Variants in CDH12 observed in about 807,000 individuals in gnomAD.
The protein encoded by CDH12 is cadherin-12.
In CDH12, 41 loss-of-function variants were observed where a neutral mutation model predicts 74.1. That is an observed-to-expected ratio of 0.55 (90% CI 0.43 to 0.72). CDH12 has a LOEUF of 0.72. Ranked by LOEUF, CDH12 falls within the 30% of genes least tolerant of loss-of-function variation. CDH12 has a pLI of 0.00. For missense variants in CDH12, 945 were observed against 977.2 expected (o/e 0.97, Z 0.44); for synonymous variants, 399 against 355.0 (o/e 1.12, Z -1.39).
At chr5:22,017,677 G>A (rs1167978282) in intron 5 of CDH12, among the ~76,000 whole-genome samples, 2 of 152,018 alleles carry the variant, frequency 1.3e-5, no homozygotes, top group Non-Finnish European at 2.9e-5. Flanking sequence ...AAGGGAAAGG[G>A]TTAGAGAGAA....
At position 22,529,275 on chromosome 5, in the gene CDH12, G is replaced by A. The variant is rs1296123976; in HGVS notation, c.-522-23911C>T. The stretch of plus-strand genomic sequence containing the variant: ...AGAAGCTGGTTCAAATGATAATGGA[G>A]GCTGATGAGTCCCAAGATCTGCAAT... On this transcript the variant is annotated intron_variant, in intron 1 of 14. Transcript: ENST00000382254. 1.3e-4 allele frequency among the ~76,000 whole-genome samples: 19 copies of A among 151,104 alleles called. No individual in the cohort carries two copies. In the Admixed American group the frequency reaches 1.3e-3, roughly 10 times the overall value.
At chr5:21,872,894 C>CATCTATCTATCT (rs59704352) in intron 6 of CDH12, among the ~76,000 whole-genome samples, 17,155 of 146,744 alleles carry the variant, frequency 0.12, 1,207 homozygotes, top group Non-Finnish European at 0.14. Flanking sequence ...ACCTATCATC[C>CATCTATCTATCT]ATCTATCTAT....
chr5:22,015,874 ACTT>A (rs1454300960), intron 5 of CDH12, among the ~76,000 whole-genome samples: 1 of 152,214 alleles, frequency 6.6e-6, no homozygotes, highest in Non-Finnish European at 1.5e-5. Flanking sequence ...TTAAAAGGAC[ACTT>A]TATTTCCTAT....
intron 6 of CDH12, chr5:21,884,293 T>C: frequency 6.9e-7 from 1 of 1,450,682 alleles, no homozygotes; most frequent in Non-Finnish European, 9.7e-7. Flanking sequence ...GGAGGTGGTA[T>C]GGGAGGTGGC....
chr5:22,416,890 G>T (rs1743415248), intron 2 of CDH12, among the ~76,000 whole-genome samples: 1 of 152,110 alleles, frequency 6.6e-6, no homozygotes. Flanking sequence ...GAATTAGAAA[G>T]CTCTTCAGCT....
intron 3 of CDH12, among the ~76,000 whole-genome samples, chr5:22,368,755 T>C (rs1035755615): frequency 6.6e-6 from 1 of 152,204 alleles, no homozygotes; most frequent in Admixed American, 6.5e-5. Flanking sequence ...ATATTTCTAG[T>C]GACAATGCAC....
At chr5:22,136,001 T>A (rs1449593819) in intron 4 of CDH12, among the ~76,000 whole-genome samples, 1 of 152,016 alleles carries the variant, frequency 6.6e-6, no homozygotes, top group South Asian at 2.1e-4. Flanking sequence ...ATGGTCCAGT[T>A]CTTTTCTCAA....
chr5:22,714,944 C>T (rs77668888), intron 1 of CDH12, among the ~76,000 whole-genome samples: 46 of 152,228 alleles, frequency 3.0e-4, no homozygotes, highest in Non-Finnish European at 5.6e-4. Flanking sequence ...TCTCGCAGAA[C>T]GTCTTTCCCA....
chr5:22,243,309 T>C (rs1007293100), intron 3 of CDH12, among the ~76,000 whole-genome samples: 2 of 152,190 alleles, frequency 1.3e-5, no homozygotes, highest in African/African-American at 4.8e-5. Context: ...CAGAATATTA[T>C]GTAAATGGCG....
At chr5:22,350,280 G>A (rs1219068141) in intron 3 of CDH12, among the ~76,000 whole-genome samples, 2 of 152,012 alleles carry the variant, frequency 1.3e-5, no homozygotes, top group Non-Finnish European at 2.9e-5. Flanking sequence ...AATGATATAT[G>A]TTATTCTTAA....
At chr5:21,896,985 A>G (rs995176671) in intron 6 of CDH12, among the ~76,000 whole-genome samples, 7 of 152,224 alleles carry the variant, frequency 4.6e-5, no homozygotes, top group Non-Finnish European at 8.8e-5. Flanking sequence ...GGAAAATACA[A>G]GCCAACCAAA....
In CDH12 at chr5:22,052,487, C is replaced by G. The variant is rs116236658; in HGVS notation, c.231+25959G>C. On this transcript the variant is annotated intron_variant, in intron 5 of 14. Transcript: ENST00000382254. ...TTAAGCACTTGTGTAGAGGCACAGA[C>G]CTGAAATTTAATTTTGACATTTCTT... Among the ~76,000 whole-genome samples the G allele has an allele frequency of 5.4e-3, 816 of 152,174 alleles. 4 individuals carry two copies. Among genetic ancestry groups the G allele is most frequent in the African/African-American group, 0.019 (770 of 41,528 alleles).
At chr5:22,765,063 T>C (rs1252755527) in intron 1 of CDH12, among the ~76,000 whole-genome samples, 6 of 151,946 alleles carry the variant, frequency 3.9e-5, no homozygotes, top group Non-Finnish European at 7.4e-5. Context: ...AATATCCATG[T>C]CAATCAAAAC....
intron 4 of CDH12, chr5:22,143,516 C>G (rs1207490018): frequency 6.6e-6 from 1 of 151,732 alleles, no homozygotes; most frequent in African/African-American, 2.4e-5. Flanking sequence ...TTACAGGTGC[C>G]CACCACCATG....
intron 3 of CDH12, among the ~76,000 whole-genome samples, chr5:22,382,309 G>A (rs1741800126): frequency 6.8e-6 from 1 of 146,590 alleles, no homozygotes; most frequent in African/African-American, 2.5e-5. Flanking sequence ...ATTTCTATAT[G>A]TCTACATACA....
intron 2 of CDH12, among the ~76,000 whole-genome samples, chr5:22,434,465 T>C (rs924243719): frequency 1.3e-5 from 2 of 152,138 alleles, no homozygotes; most frequent in South Asian, 4.1e-4. Flanking sequence ...TATTTCCATT[T>C]GAGCGTGTCA....
chr5:22,517,038 T>C (rs113295853), intron 1 of CDH12, among the ~76,000 whole-genome samples: 2 of 152,130 alleles, frequency 1.3e-5, no homozygotes, highest in Non-Finnish European at 2.9e-5. Flanking sequence ...CTTTTTAAAA[T>C]TTTTTAAAAA....
In CDH12 at chr5:21,854,792, T is replaced by C; in HGVS notation, c.527-2A>G. On this transcript the variant is annotated splice_acceptor_variant, in intron 6 of 14. Transcript: ENST00000382254. LOFTEE classifies it high-confidence loss of function. Reference sequence around the variant, plus strand: ...CCTTGACCTGGAGTACATATGCACCTGGAAAATAAGACAATATCACTCTAG... The same window carrying C: ...CCTTGACCTGGAGTACATATGCACCCGGAAAATAAGACAATATCACTCTAG... The C allele has an allele frequency of 3.7e-6, 6 of 1,606,018 alleles. No individual in the cohort carries two copies. Among genetic ancestry groups the C allele is most frequent in the Non-Finnish European group, 5.1e-6 (6 of 1,176,242 alleles).
chr5:22,099,564 A>G (rs1475479110), intron 4 of CDH12, among the ~76,000 whole-genome samples: 7 of 152,086 alleles, frequency 4.6e-5, no homozygotes, highest in Non-Finnish European at 5.9e-5. Context: ...CTGTGCCCCA[A>G]GAAACTTGTC....
Sources: allele counts gnomAD v4.1 joint callset (sites outside exome capture counted in the v4.1 genomes callset), GRCh38; gene constraint gnomAD v4.1.1; transcripts MANE v1.5; gene names NCBI Gene and HGNC (gene_info 2026-07-23, HGNC 2026-07-21).